The following SLC25A37 variants were observed in gnomAD, a reference collection of about 807,000 sequenced individuals.
The protein encoded by SLC25A37 is mitoferrin-1.
In SLC25A37, 17 loss-of-function variants were observed where a neutral mutation model predicts 31.0. The ratio of observed to expected loss-of-function variants is 0.55; its 90% CI spans 0.38 to 0.82. The LOEUF (loss-of-function observed/expected upper bound fraction) is 0.82, where lower values mean the gene tolerates loss of function less well. SLC25A37 is among the 40% of genes least tolerant of loss of function. The pLI, the probability that SLC25A37 is intolerant of heterozygous loss-of-function variation, is 0.00. For missense variants in SLC25A37, 404 were observed against 465.8 expected (o/e 0.87, Z 1.22); for synonymous variants, 222 against 193.0 (o/e 1.15, Z -1.24).
intron 1 of SLC25A37, among the ~76,000 whole-genome samples, chr8:23,551,539 C>T (rs749886752): frequency 2.6e-5 from 4 of 151,258 alleles, no homozygotes; most frequent in Non-Finnish European, 4.4e-5. Flanking sequence ...GTAAAAATGA[C>T]GTCATTGCTA....
intron 1 of SLC25A37, among the ~76,000 whole-genome samples, chr8:23,533,007 T>TCTCTCCCTTCTTGTCTC (rs988395135): frequency 6.6e-6 from 1 of 152,242 alleles, no homozygotes; most frequent in African/African-American, 2.4e-5. Context: ...ATGATTTTTC[T>TCTCTCCCTTCTTGTCTC]CTCTCCCTTC....
In SLC25A37 at chr8:23,572,389, T is replaced by A. The variant is rs1452133397; in HGVS notation, c.*534T>A. The A allele has an allele frequency of 1.3e-5, 2 of 150,642 alleles. No homozygotes were observed. The highest frequency in any genetic ancestry group is 2.9e-5 in the Non-Finnish European group (2 of 68,212). The allele number at this position is 150,642 out of a possible 1,614,324, so 9.3% of individuals were successfully genotyped here. A position where few individuals can be genotyped will look rare whatever the true frequency, so the allele number is the denominator to read the frequency against. On this transcript the variant is annotated 3_prime_UTR_variant, in exon 4 of 4. Coordinates refer to ENST00000519973, the MANE Select transcript of SLC25A37 (RefSeq NM_016612.4). ...AGTATTACGGCTGGGACTCTCCAGC[T>A]GTTTTTGTTGTTGTTATGTTTTTAA...
chr8:23,532,019 G>A (rs1016313453), intron 1 of SLC25A37: 10 of 152,238 alleles, frequency 6.6e-5, no homozygotes, highest in African/African-American at 2.4e-4. Flanking sequence ...GTCTCTGAGT[G>A]CATTTTACAG....
chr8:23,553,196 G>A (rs1179237240), intron 1 of SLC25A37, among the ~76,000 whole-genome samples: 3 of 152,170 alleles, frequency 2.0e-5, no homozygotes, highest in African/African-American at 7.2e-5. Flanking sequence ...CGAGGTGGGT[G>A]GATCACCTGA....
In SLC25A37 at chr8:23,566,018, T is replaced by C; in HGVS notation, c.211-90T>C. The C allele has an allele frequency of 4.1e-6, 6 of 1,454,106 alleles. No individual in the cohort carries two copies. In the South Asian group the frequency reaches 7.3e-5, roughly 18 times the overall value. 90.1% of individuals were successfully genotyped at this position (1,454,106 alleles called of 1,614,324 possible). A position where few individuals can be genotyped will look rare whatever the true frequency, so the allele number is the denominator to read the frequency against. On this transcript the variant is annotated intron_variant, in intron 1 of 3. Transcript: ENST00000519973. Reference sequence around the variant, plus strand: ...TCCTGTGAAACTATGACATTGTTTTTCTCTCTCTCCTTCTCCAGGTCTTAT... The same window carrying C: ...TCCTGTGAAACTATGACATTGTTTTCCTCTCTCTCCTTCTCCAGGTCTTAT...
chr8:23,537,247 A>G (rs1567666), intron 1 of SLC25A37, among the ~76,000 whole-genome samples: 8,917 of 150,516 alleles, frequency 0.059, 352 homozygotes, highest in Middle Eastern at 0.12. Flanking sequence ...ACATTTCCCT[A>G]TTGCCCATTG....
At chr8:23,563,922 A>C (rs1307614134) in intron 1 of SLC25A37, among the ~76,000 whole-genome samples, 1 of 152,160 alleles carries the variant, frequency 6.6e-6, no homozygotes, top group East Asian at 1.9e-4. Flanking sequence ...CGGAGGTTGC[A>C]GCGAGCCGAG....
At chr8:23,540,554 T>C (rs1453431114) in intron 1 of SLC25A37, among the ~76,000 whole-genome samples, 2 of 152,216 alleles carry the variant, frequency 1.3e-5, no homozygotes, top group Non-Finnish European at 2.9e-5. Flanking sequence ...ATATGGTTAT[T>C]GCCACAGGAT....
Position 23,568,398 on chromosome 8 carries a change from G to C in SLC25A37, c.496+20G>C. 1 of 1,613,948 alleles carries C rather than the reference G, an allele frequency of 6.2e-7. No homozygotes were observed. Among genetic ancestry groups the C allele is most frequent in the Non-Finnish European group, 8.5e-7 (1 of 1,179,860 alleles). On this transcript the variant is annotated intron_variant, in intron 3 of 3. Transcript: ENST00000519973. ...CAGAAGGTAATGTTTCATGGTCCCA[G>C]GGAGGGGCAGTAGGGGATGTGCAAA... is the stretch of plus-strand genomic sequence containing the variant.
chr8:23,533,396 G>C (rs149632456), intron 1 of SLC25A37, among the ~76,000 whole-genome samples: 2 of 152,306 alleles, frequency 1.3e-5, no homozygotes, highest in East Asian at 3.9e-4. Context: ...GTGTGCACCT[G>C]GGGTGGGGGA....
chr8:23,568,537 G>C (rs573399084), intron 3 of SLC25A37, 159 bp downstream of exon 3: 2 of 781,436 alleles, frequency 2.6e-6, no homozygotes, highest in African/African-American at 3.4e-5. Flanking sequence ...GTTATCAAAG[G>C]CCTCAAGAAA....
chr8:23,555,522 T>C (rs1342927368), intron 1 of SLC25A37, among the ~76,000 whole-genome samples: 2 of 152,186 alleles, frequency 1.3e-5, no homozygotes, highest in African/African-American at 4.8e-5. Context: ...CTTAGCAGAA[T>C]TGTTATTTTC....
intron 1 of SLC25A37, among the ~76,000 whole-genome samples, chr8:23,550,630 C>T (rs182140444): frequency 5.3e-5 from 8 of 152,192 alleles, no homozygotes; most frequent in East Asian, 1.9e-4. Flanking sequence ...ACAGCTTACG[C>T]GCAGCTAGGT....
At chr8:23,550,200 AAC>A (rs1802186443) in intron 1 of SLC25A37, among the ~76,000 whole-genome samples, 3 of 133,586 alleles carry the variant, frequency 2.2e-5, no homozygotes, top group Admixed American at 7.3e-5. Flanking sequence ...AAAAAAAAAA[AAC>A]ACAAAAAAAC....
chr8:23,553,084 C>A (rs530911561), intron 1 of SLC25A37, among the ~76,000 whole-genome samples: 102 of 151,914 alleles, frequency 6.7e-4, no homozygotes, highest in African/African-American at 2.2e-3. Flanking sequence ...TGTTCTTCTG[C>A]GCAGCTTTGT....
chr8:23,538,400 AAAAAAAC>A (rs1801817565), intron 1 of SLC25A37, among the ~76,000 whole-genome samples: 3 of 144,004 alleles, frequency 2.1e-5, no homozygotes, highest in Middle Eastern at 3.6e-3. Context: ...AAAAAAAAAA[AAAAAAAC>A]CAGAAAAAAA....
chr8:23,532,681 G>A (rs1326014711), intron 1 of SLC25A37, among the ~76,000 whole-genome samples: 1 of 152,184 alleles, frequency 6.6e-6, no homozygotes, highest in East Asian at 1.9e-4. Context: ...ACTCTCCTAG[G>A]ATGAGCCCTC....
At chr8:23,552,564 G>A (rs1345638925) in intron 1 of SLC25A37, among the ~76,000 whole-genome samples, 2 of 152,146 alleles carry the variant, frequency 1.3e-5, no homozygotes, top group Admixed American at 1.3e-4. Flanking sequence ...CACGTGCCCA[G>A]AAGGAACGCT....
chr8:23,568,291 A>C, intron 2 of SLC25A37, 31 bp from the exon 3 acceptor site: 1 of 1,613,192 alleles, frequency 6.2e-7, no homozygotes, highest in Non-Finnish European at 8.5e-7. Flanking sequence ...ACCCGATCGC[A>C]GAGGGTAATT....
Sources: gnomAD v4.1 joint callset for allele counts (sites outside exome capture counted in the v4.1 genomes callset) on GRCh38, gnomAD v4.1.1 for gene constraint, MANE v1.5 for transcripts, NCBI Gene and HGNC (gene_info 2026-07-23, HGNC 2026-07-21) for gene names.